MPP7: variants seen among roughly 807,000 people sequenced by gnomAD.
MPP7 encodes MAGUK p55 subfamily member 7.
In MPP7, 60 loss-of-function variants were observed where a neutral mutation model predicts 76.5. The ratio of observed to expected loss-of-function variants is 0.78; its 90% CI spans 0.64 to 0.97. The LOEUF (loss-of-function observed/expected upper bound fraction) is 0.97. Ranked by LOEUF, MPP7 falls within the 50% of genes least tolerant of loss-of-function variation. The pLI is 0.00. For synonymous variants in MPP7, 237 were observed against 244.5 expected (o/e 0.97, Z 0.29); for missense variants, 641 against 694.0 (o/e 0.92, Z 0.86).
chr10:28,248,429 G>A lies in MPP7; in HGVS notation c.-131-9694C>T, dbSNP rs149768901. 1.2e-3 allele frequency among the ~76,000 whole-genome samples: 190 copies of A among 152,248 alleles called. 1 individual carries two copies. The highest frequency in any genetic ancestry group is 3.4e-3 in the Middle Eastern group (1 of 294). ...CCAAGCAGGAGGCTTTGTGCACTCC[G>A]ACGCGGCTCAAGTGGTTCAGGTTTC... On this transcript the variant is annotated intron_variant, in intron 1 of 16. Coordinates refer to ENST00000683449, the MANE Select transcript of MPP7 (RefSeq NM_001318170.2).
chr10:28,316,696 G>T (rs1471814454), intron 2 of MPP7, among the ~76,000 whole-genome samples: 2 of 152,142 alleles, frequency 1.3e-5, no homozygotes, highest in Non-Finnish European at 2.9e-5. Context: ...TACGTATGGA[G>T]TTGTATGTAG....
chr10:28,158,632 G>A (rs903795966), intron 3 of MPP7, among the ~76,000 whole-genome samples: 1 of 152,058 alleles, frequency 6.6e-6, no homozygotes, highest in East Asian at 1.9e-4. Flanking sequence ...ACAGAGAGAG[G>A]GAACAGTAGA....
At chr10:28,304,113 A>T (rs889348058), upstream of MPP7, among the ~76,000 whole-genome samples, 2 of 152,188 alleles carry the variant, frequency 1.3e-5, no homozygotes, top group South Asian at 2.1e-4. Flanking sequence ...TGTGATAGAG[A>T]CTTTGAATGG....
chr10:28,119,803 A>T (rs542906882), intron 10 of MPP7, 88 bp from the exon 11 acceptor site: 1 of 1,076,810 alleles, frequency 9.3e-7, no homozygotes, highest in Non-Finnish European at 1.4e-6. Context: ...TTAAGAAAAA[A>T]CTTAAAGGTT....
intron 7 of MPP7, 78 bp downstream of exon 7, chr10:28,124,932 T>A: frequency 8.6e-7 from 1 of 1,165,342 alleles, no homozygotes; most frequent in Admixed American, 1.7e-5. Flanking sequence ...AAGATGGTTA[T>A]CCTCTTAGTT....
At chr10:28,167,342 C>CAAACAAAA (rs1389426137) in intron 3 of MPP7, among the ~76,000 whole-genome samples, 2 of 130,594 alleles carry the variant, frequency 1.5e-5, no homozygotes, top group African/African-American at 5.7e-5. Flanking sequence ...AACAAACAAA[C>CAAACAAAA]AAAACACTCA....
chr10:28,332,742 G>A (rs978388770), intron 1 of MPP7, among the ~76,000 whole-genome samples: 2 of 152,036 alleles, frequency 1.3e-5, no homozygotes, highest in Non-Finnish European at 2.9e-5. Context: ...GTTCACTACA[G>A]CCTTGAATTC....
At chr10:28,224,133 C>T (rs1301096837) in intron 2 of MPP7, among the ~76,000 whole-genome samples, 2 of 151,624 alleles carry the variant, frequency 1.3e-5, no homozygotes, top group Admixed American at 6.6e-5. Context: ...TGCAGTGAGC[C>T]GAGATCATGC....
At chr10:28,275,544 T>C (rs543390199) in intron 1 of MPP7, among the ~76,000 whole-genome samples, 8 of 151,976 alleles carry the variant, frequency 5.3e-5, no homozygotes, top group African/African-American at 1.9e-4. Context: ...GTAGCTGGGA[T>C]TACAGGCACG....
At chr10:28,085,211 G>A (rs1205259392) in intron 12 of MPP7, among the ~76,000 whole-genome samples, 1 of 152,168 alleles carries the variant, frequency 6.6e-6, no homozygotes, top group African/African-American at 2.4e-5. Context: ...GCTGGGGTCT[G>A]AATCGGTTCT....
At chr10:28,270,567 G>A (rs1390232051) in intron 1 of MPP7, among the ~76,000 whole-genome samples, 3 of 143,186 alleles carry the variant, frequency 2.1e-5, no homozygotes, top group South Asian at 2.3e-4. Flanking sequence ...GGGAGGGGGC[G>A]CAATCTACAT....
At chr10:28,326,842 G>T (rs1380957216) in intron 2 of MPP7, among the ~76,000 whole-genome samples, 1 of 152,092 alleles carries the variant, frequency 6.6e-6, no homozygotes, top group Non-Finnish European at 1.5e-5. Context: ...CCAGCTCCCG[G>T]GCTCTGTCTG....
intron 1 of MPP7, among the ~76,000 whole-genome samples, chr10:28,265,825 G>C (rs922264525): frequency 1.3e-5 from 2 of 152,088 alleles, no homozygotes; most frequent in East Asian, 1.9e-4. Flanking sequence ...ATGGGTTTTA[G>C]GATTATCCAG....
chr10:28,142,775 A>G (rs769991289), intron 5 of MPP7, among the ~76,000 whole-genome samples: 27 of 152,188 alleles, frequency 1.8e-4, no homozygotes, highest in African/African-American at 6.0e-4. Context: ...TATGCAATTA[A>G]TTGCATATAA....
chr10:28,209,169 T>C (rs1369596911), intron 2 of MPP7, among the ~76,000 whole-genome samples: 1 of 152,120 alleles, frequency 6.6e-6, no homozygotes, highest in Non-Finnish European at 1.5e-5. Context: ...CTTTTCTTTA[T>C]AAATTGCCCA....
At chr10:28,101,203 T>G (rs988515303) in intron 11 of MPP7, among the ~76,000 whole-genome samples, 2 of 152,276 alleles carry the variant, frequency 1.3e-5, no homozygotes, top group African/African-American at 4.8e-5. Flanking sequence ...AGAAAGAACC[T>G]GTGTCACTTC....
At chr10:28,240,489 T>C (rs1450290982) in intron 1 of MPP7, among the ~76,000 whole-genome samples, 1 of 152,308 alleles carries the variant, frequency 6.6e-6, no homozygotes. Context: ...TTCCTTTATG[T>C]TATTGCAAAG....
intron 5 of MPP7, among the ~76,000 whole-genome samples, chr10:28,144,507 G>A (rs375866642): frequency 1.8e-4 from 28 of 151,902 alleles, no homozygotes; most frequent in African/African-American, 6.3e-4. Flanking sequence ...TTCTTCCTTC[G>A]CAAGCCACTG....
At chr10:28,073,290 A>T (rs186154277) in intron 12 of MPP7, among the ~76,000 whole-genome samples, 2 of 152,146 alleles carry the variant, frequency 1.3e-5, no homozygotes, top group Non-Finnish European at 2.9e-5. Context: ...TGCTGCCACA[A>T]TACCCCTGTT....
Sources: allele counts gnomAD v4.1 joint callset (sites outside exome capture counted in the v4.1 genomes callset), GRCh38; gene constraint gnomAD v4.1.1; transcripts MANE v1.5; gene names NCBI Gene and HGNC (gene_info 2026-07-23, HGNC 2026-07-21).